The following CCDC32 variants were observed in gnomAD, a reference collection of about 807,000 sequenced individuals.
CCDC32 encodes coiled-coil domain-containing protein 32.
In CCDC32, 9 loss-of-function variants were observed where a neutral mutation model predicts 20.1. The ratio of observed to expected loss-of-function variants is 0.45; its 90% CI spans 0.27 to 0.78. CCDC32 has a LOEUF of 0.78. CCDC32 is among the 30% of genes least tolerant of loss of function. The pLI, the probability that CCDC32 is intolerant of heterozygous loss-of-function variation, is 0.16. For synonymous variants in CCDC32, 63 were observed against 79.0 expected (o/e 0.80, Z 1.07); for missense variants, 204 against 215.5 (o/e 0.95, Z 0.33).
the CCDC32 span, among the ~76,000 whole-genome samples, chr15:40,521,774 T>C: frequency 6.6e-6 from 1 of 152,232 alleles, no homozygotes; most frequent in Admixed American, 6.5e-5. Context: ...GCTATGTCTA[T>C]TCAGATCCTT....
In CCDC32 at chr15:40,553,478, A is replaced by G. The variant is rs765050442; in HGVS notation, c.*493T>C. Reference sequence around the variant, plus strand: ...AAGCCCCAGATGGGGCTTGGATTCAAGGAGCAGACTTCACTCTTACTGGCC... The same window carrying G: ...AAGCCCCAGATGGGGCTTGGATTCAGGGAGCAGACTTCACTCTTACTGGCC... On this transcript the variant is annotated 3_prime_UTR_variant, in exon 4 of 4. Coordinates refer to ENST00000416810, the MANE Select transcript of CCDC32 (RefSeq NM_001080792.4). The G allele has an allele frequency of 6.1e-6, 6 of 986,160 alleles. No homozygotes were observed. Among genetic ancestry groups the G allele is most frequent in the Non-Finnish European group, 7.2e-6 (6 of 830,464 alleles). The allele number at this position is 986,160 out of a possible 1,614,324, so 61.1% of individuals were successfully genotyped here.
At chr15:40,531,538 C>G (rs1490771709), downstream of CCDC32, 1 of 152,090 alleles carries the variant, frequency 6.6e-6, no homozygotes, top group East Asian at 1.9e-4. Flanking sequence ...ACCAGAGGAG[C>G]ATTTTTAGGT....
At chr15:40,561,037 TAATAA>T (rs1890586180) in intron 2 of CCDC32, among the ~76,000 whole-genome samples, 1 of 151,850 alleles carries the variant, frequency 6.6e-6, no homozygotes, top group Admixed American at 6.6e-5. Flanking sequence ...CCATAAGAAA[TAATAA>T]AATAATGTCT....
exon 4 of CCDC32, chr15:40,528,717 C>T (rs550891804): frequency 1.6e-5 from 11 of 700,384 alleles, no homozygotes; most frequent in East Asian, 8.0e-5. Context: ...TGTCCACAAG[C>T]GAATGGGAAA....
At chr15:40,534,741 C>T (rs1297523842), downstream of CCDC32, 1 of 616,300 alleles carries the variant, frequency 1.6e-6, no homozygotes, top group Non-Finnish European at 2.9e-6. Context: ...TGTAAGGGCA[C>T]TAATCCCATT....
chr15:40,522,931 A>T, the CCDC32 span, among the ~76,000 whole-genome samples: 1 of 149,270 alleles, frequency 6.7e-6, no homozygotes. Context: ...GGTTCAAGCG[A>T]TTCTCCCGCC....
downstream of CCDC32, among the ~76,000 whole-genome samples, chr15:40,526,839 G>A (rs1894905774): frequency 2.0e-5 from 3 of 152,150 alleles, no homozygotes; most frequent in South Asian, 6.2e-4. Context: ...CTTGAACCTG[G>A]GAGGTGGAGG....
downstream of CCDC32, chr15:40,535,650 A>G (rs549739119): frequency 4.2e-5 from 41 of 985,412 alleles, no homozygotes; most frequent in South Asian, 1.5e-3. Flanking sequence ...GCTGAACAAC[A>G]CACCAGGCTC....
chr15:40,555,968 C>T (rs1233489081), intron 3 of CCDC32, among the ~76,000 whole-genome samples: 1 of 152,210 alleles, frequency 6.6e-6, no homozygotes, highest in African/African-American at 2.4e-5. Context: ...TTCTATAGTG[C>T]TTACCATGTG....
chr15:40,528,005 A>G (rs1236361995), downstream of CCDC32, among the ~76,000 whole-genome samples: 1 of 152,250 alleles, frequency 6.6e-6, no homozygotes, highest in East Asian at 1.9e-4. Context: ...CCTGTGGCCT[A>G]TCTTCAGTAA....
At chr15:40,528,919 G>A (rs577855895) in intron 3 of CCDC32, 12 of 615,164 alleles carry the variant, frequency 2.0e-5, no homozygotes, top group African/African-American at 1.1e-4. Flanking sequence ...GCTCCAGCAC[G>A]TGCTGAGTGG....
intron 2 of CCDC32, among the ~76,000 whole-genome samples, chr15:40,558,672 A>C (rs1349550752): frequency 3.3e-5 from 5 of 152,160 alleles, no homozygotes; most frequent in Non-Finnish European, 5.9e-5. Flanking sequence ...TCCATGCCAT[A>C]GGCAACAGAA....
chr15:40,528,583 C>T, downstream of CCDC32: 3 of 596,190 alleles, frequency 5.0e-6, no homozygotes, highest in South Asian at 4.1e-5. Context: ...GTCCAGGGCC[C>T]TCAAATCCAG....
chr15:40,552,104 A>G (rs142098526), downstream of CCDC32, among the ~76,000 whole-genome samples: 4,045 of 151,894 alleles, frequency 0.027, 70 homozygotes, highest in South Asian at 0.059. Flanking sequence ...GGCTGTAGTG[A>G]GCCATGATTG....
the CCDC32 span, among the ~76,000 whole-genome samples, chr15:40,523,182 G>A: frequency 3.3e-5 from 5 of 151,496 alleles, no homozygotes; most frequent in African/African-American, 1.2e-4. Flanking sequence ...CACTGTACCT[G>A]GCCAGCTGCT....
In CCDC32 at chr15:40,559,904, A is replaced by G. The variant is rs150833017; in HGVS notation, c.245-2532T>C. On this transcript the variant is annotated intron_variant, in intron 2 of 3. Coordinates refer to ENST00000416810, the MANE Select transcript of CCDC32 (RefSeq NM_001080792.4). ...GCCACCTGTAGAAGAATAAAACTAG[A>G]TCCCTATCTCTCACCTTATACAAAA... Among the ~76,000 whole-genome samples, 197 of 152,342 alleles carry G rather than the reference A, an allele frequency of 1.3e-3. 5 individuals carry two copies. The East Asian group carries it at 0.031, about 24-fold the overall frequency.
chr15:40,540,469 G>A (rs1468571280), intron 3 of CCDC32, among the ~76,000 whole-genome samples: 1 of 151,062 alleles, frequency 6.6e-6, no homozygotes, highest in Admixed American at 6.6e-5. Context: ...CTGGGTTCAA[G>A]CTATTCTCCT....
At chr15:40,547,079 G>T (rs1214452544) in intron 3 of CCDC32, among the ~76,000 whole-genome samples, 1 of 151,928 alleles carries the variant, frequency 6.6e-6, no homozygotes, top group African/African-American at 2.4e-5. Context: ...ATCTGTATCT[G>T]GGAGTGGGGC....
chr15:40,541,001 C>T (rs1380832446), intron 3 of CCDC32, among the ~76,000 whole-genome samples: 1 of 152,182 alleles, frequency 6.6e-6, no homozygotes, highest in African/African-American at 2.4e-5. Flanking sequence ...CCACAGAGAC[C>T]AAAATGTCAA....
Sources: allele counts gnomAD v4.1 joint callset (sites outside exome capture counted in the v4.1 genomes callset), GRCh38; gene constraint gnomAD v4.1.1; transcripts MANE v1.5; gene names NCBI Gene and HGNC (gene_info 2026-07-23, HGNC 2026-07-21).